The following CSMD3 variants were observed in gnomAD, a reference collection of about 807,000 sequenced individuals.
CSMD3 encodes the protein CUB and sushi domain-containing protein 3.
Under a neutral mutation model 435.2 loss-of-function variants are expected in CSMD3, and 177 were observed. That is an observed-to-expected ratio of 0.41 (90% CI 0.36 to 0.46). The LOEUF (loss-of-function observed/expected upper bound fraction) is 0.46. Among genes scored for constraint, CSMD3 ranks in the 20% least tolerant of loss-of-function variants. CSMD3 has a pLI of 0.34. For synonymous variants in CSMD3, 1,656 were observed against 1,520.5 expected (o/e 1.09, Z -2.07); for missense variants, 4,265 against 4,504.6 (o/e 0.95, Z 1.52).
chr8:113,156,760 A>ATAAT (rs2091939731), intron 4 of CSMD3, among the ~76,000 whole-genome samples: 1 of 85,934 alleles, frequency 1.2e-5, no homozygotes, highest in South Asian at 4.4e-4. Flanking sequence ...AAATAAATAA[A>ATAAT]TAAATAAATA....
intron 2 of CSMD3, among the ~76,000 whole-genome samples, chr8:113,281,537 T>C (rs2093612839): frequency 2.0e-5 from 3 of 151,728 alleles, no homozygotes; most frequent in Admixed American, 2.0e-4. Flanking sequence ...ACCCCTTTAG[T>C]TTATGTGAGT....
intron 13 of CSMD3, among the ~76,000 whole-genome samples, chr8:112,782,042 A>G (rs961364033): frequency 6.6e-6 from 1 of 152,162 alleles, no homozygotes; most frequent in Non-Finnish European, 1.5e-5. Flanking sequence ...GCATCTACGA[A>G]CATCCACAAA....
chr8:112,231,176 C>G (rs181688093), intron 69 of CSMD3, among the ~76,000 whole-genome samples: 1 of 152,160 alleles, frequency 6.6e-6, no homozygotes, highest in Non-Finnish European at 1.5e-5. Context: ...ATGAAAACTG[C>G]GACAATATTC....
At chr8:112,728,320 G>T (rs543989412) in intron 13 of CSMD3, among the ~76,000 whole-genome samples, 4 of 151,916 alleles carry the variant, frequency 2.6e-5, no homozygotes, top group East Asian at 3.9e-4. Flanking sequence ...TGAGTTAGAT[G>T]TAATTTATAT....
At chr8:112,552,429 T>A (rs906480263) in intron 26 of CSMD3, among the ~76,000 whole-genome samples, 165 bp downstream of exon 26, 4 of 152,050 alleles carry the variant, frequency 2.6e-5, no homozygotes. Flanking sequence ...GAGGTTGCAG[T>A]GAGCCGAGAT....
Position 112,265,522 on chromosome 8 carries a change from G to T in CSMD3, c.9577C>A (p.Gln3193Lys). 6.2e-7 allele frequency: 1 copy of T among 1,613,444 alleles called. No individual in the cohort carries two copies. ...LRYGDDYVVG[Q>K]NVSYMCQPGY... The stretch of plus-strand genomic sequence containing the variant: ...GGCTGGCACATGTAAGAAACATTTT[G>T]TCCAACCACATAATCATCTCCATAT... The change falls in exon 60 of 71, where the codon CAA (glutamine) becomes AAA (lysine). Residue 3193 changes from glutamine (Q) to lysine (K), a missense_variant. Coordinates refer to ENST00000297405, the MANE Select transcript of CSMD3 (RefSeq NM_198123.2).
intron 1 of CSMD3, among the ~76,000 whole-genome samples, chr8:113,399,106 T>TATATACACACACAC (rs773585004): frequency 2.8e-4 from 27 of 95,060 alleles, no homozygotes; most frequent in Middle Eastern, 6.6e-3. Context: ...TATATATATA[T>TATATACACACACAC]ACACACACAC....
chr8:112,660,737 T>C (rs981744223), intron 17 of CSMD3, among the ~76,000 whole-genome samples: 6 of 152,210 alleles, frequency 3.9e-5, no homozygotes, highest in Non-Finnish European at 8.8e-5. Flanking sequence ...AAAGGAAATA[T>C]GTGATATAAA....
At chr8:112,881,725 A>G (rs188837262) in intron 10 of CSMD3, among the ~76,000 whole-genome samples, 2 of 152,082 alleles carry the variant, frequency 1.3e-5, no homozygotes, top group South Asian at 2.1e-4. Context: ...CTGCTTAACA[A>G]CAAGTAGAAT....
chr8:112,916,116 T>C (rs867429206), intron 10 of CSMD3, among the ~76,000 whole-genome samples: 1 of 151,976 alleles, frequency 6.6e-6, no homozygotes, highest in South Asian at 2.1e-4. Context: ...AAGAAAATGT[T>C]CTCTTTGATA....
intron 3 of CSMD3, among the ~76,000 whole-genome samples, chr8:113,181,317 A>G (rs1264966635): frequency 6.6e-6 from 1 of 152,100 alleles, no homozygotes. Flanking sequence ...AAGTTAGTGT[A>G]AAACCAAACA....
At chr8:112,942,533 TA>T (rs925532840) in intron 9 of CSMD3, among the ~76,000 whole-genome samples, 9 of 151,732 alleles carry the variant, frequency 5.9e-5, no homozygotes, top group African/African-American at 1.2e-4. Context: ...TATGCAGCCA[TA>T]AAAAAATGAG....
chr8:112,496,871 A>G (rs1821405641), intron 30 of CSMD3, among the ~76,000 whole-genome samples: 1 of 152,068 alleles, frequency 6.6e-6, no homozygotes, highest in Admixed American at 6.6e-5. Context: ...AAGAATGAAT[A>G]AGATCCAGTA....
Position 112,234,433 on chromosome 8 carries a change from G to C in CSMD3, c.10672C>G (p.Leu3558Val), listed in dbSNP as rs2129943474. 6.2e-7 allele frequency: 1 copy of C among 1,613,288 alleles called. No individual in the cohort carries two copies. The highest frequency in any genetic ancestry group is 1.1e-5 in the South Asian group (1 of 91,044). ...GAAGCATGAGCAGGTACTTTAATAA[G>C]ATATATGCGTAACATTAGGCGAGCT... ...QEARLMLRIYLIKVPAHASVK... is the reference protein window; with the variant it reads ...QEARLMLRIYVIKVPAHASVK... The change falls in exon 68 of 71, where the codon CTT becomes GTT. Residue 3558 changes from leucine (L) to valine (V), a missense_variant. This residue lies in a region of CSMD3 where 3,255 missense variants were observed against 3,380.2 expected (regional missense o/e 0.96). Transcript: ENST00000297405.
At chr8:113,121,790 T>C (rs1783927009) in intron 4 of CSMD3, among the ~76,000 whole-genome samples, 1 of 152,142 alleles carries the variant, frequency 6.6e-6, no homozygotes, top group South Asian at 2.1e-4. Flanking sequence ...TTGTTTAATG[T>C]TCTAAATTTT....
intron 24 of CSMD3, among the ~76,000 whole-genome samples, chr8:112,559,962 GT>G (rs1332512316): frequency 6.6e-6 from 1 of 151,572 alleles, no homozygotes; most frequent in African/African-American, 2.4e-5. Flanking sequence ...ACTTTTACTT[GT>G]GTCCTAAATT....
At chr8:112,783,067 T>C (rs367896143) in intron 13 of CSMD3, among the ~76,000 whole-genome samples, 41 of 152,154 alleles carry the variant, frequency 2.7e-4, no homozygotes, top group African/African-American at 9.4e-4. Context: ...TTGTGGCGTG[T>C]AAACTACTCA....
intron 59 of CSMD3, among the ~76,000 whole-genome samples, chr8:112,276,362 G>A (rs921800722): frequency 6.6e-6 from 1 of 152,168 alleles, no homozygotes; most frequent in Non-Finnish European, 1.5e-5. Flanking sequence ...AGTTGTCGAT[G>A]TATCTCCCTT....
At chr8:112,783,510 G>A (rs1426804483) in intron 13 of CSMD3, among the ~76,000 whole-genome samples, 1 of 133,352 alleles carries the variant, frequency 7.5e-6, no homozygotes, top group African/African-American at 2.8e-5. Context: ...GAGGGAGGAA[G>A]GGAGGGAGGG....
Sources: gnomAD v4.1 joint callset for allele counts (sites outside exome capture counted in the v4.1 genomes callset) on GRCh38, gnomAD v4.1.1 for gene constraint, gnomAD v4.1.1 regional missense constraint, MANE v1.5 for transcripts, NCBI Gene and HGNC (gene_info 2026-07-23, HGNC 2026-07-21) for gene names.